Variants in ABCA1 observed in about 807,000 individuals in gnomAD.
The protein encoded by ABCA1 is ATP binding cassette subfamily A member 1.
Under a neutral mutation model 262.5 loss-of-function variants are expected in ABCA1, and 133 were observed. The ratio of observed to expected loss-of-function variants is 0.51; its 90% CI spans 0.44 to 0.59. ABCA1 has a LOEUF of 0.59. Among genes scored for constraint, ABCA1 ranks in the 20% least tolerant of loss-of-function variants. The pLI, the probability that ABCA1 is intolerant of heterozygous loss-of-function variation, is 0.00. For missense variants in ABCA1, 2,452 were observed against 2,777.5 expected, an observed-to-expected ratio of 0.88 and a Z score of 2.63; for synonymous variants, 1,022 against 1,043.5, an observed-to-expected ratio of 0.98 and a Z score of 0.40.
In ABCA1 at chr9:104,888,893, T is replaced by C. The variant is rs2275543; in HGVS notation, c.160+209A>G. ...GTAAAAGAGATGTTGTCTACTGTTA[T>C]AATTACAATTATCACCATTCACTAG... On this transcript the variant is annotated intron_variant, in intron 3 of 49. Coordinates refer to ENST00000374736, the MANE Select transcript of ABCA1 (RefSeq NM_005502.4). 0.085 allele frequency among the ~76,000 whole-genome samples: 12,877 copies of C among 152,326 alleles called. 609 individuals are homozygous for C. The highest frequency in any genetic ancestry group is 0.16 in the Middle Eastern group (48 of 294).
At chr9:104,907,556 G>A (rs958313197) in intron 1 of ABCA1, among the ~76,000 whole-genome samples, 3 of 152,174 alleles carry the variant, frequency 2.0e-5, no homozygotes, top group African/African-American at 4.8e-5. Flanking sequence ...AGCACTCCTG[G>A]ACCTGTGGTA....
intron 3 of ABCA1, among the ~76,000 whole-genome samples, chr9:104,887,450 C>CA (rs11433143): frequency 0.16 from 23,875 of 152,094 alleles, 2,298 homozygotes; most frequent in African/African-American, 0.27. Context: ...AGGCAGGATA[C>CA]AAACAAACCC....
Position 104,784,594 on chromosome 9 carries a change from T to C in ABCA1, c.6646-139A>G, listed in dbSNP as rs560578888. The C allele has an allele frequency of 1.1e-5, 11 of 1,030,204 alleles. No homozygotes were observed. In the African/African-American group the frequency reaches 1.5e-4, roughly 14 times the overall value. The allele number at this position is 1,030,204 out of a possible 1,614,324, so 63.8% of individuals were successfully genotyped here. A position where few individuals can be genotyped will look rare whatever the true frequency, so the allele number is the denominator to read the frequency against. Reference sequence around the variant, plus strand: ...CATAAATGGATTAACTAGAAAACTGTGTGTGAAGGAGGGAAGAATACTTGA... The same window carrying C: ...CATAAATGGATTAACTAGAAAACTGCGTGTGAAGGAGGGAAGAATACTTGA... On this transcript the variant is annotated intron_variant, in intron 49 of 49. Coordinates refer to ENST00000374736, the MANE Select transcript of ABCA1 (RefSeq NM_005502.4).
chr9:104,865,041 A>G (rs79890913), intron 5 of ABCA1, among the ~76,000 whole-genome samples: 3,161 of 152,344 alleles, frequency 0.021, 122 homozygotes, highest in African/African-American at 0.072. Flanking sequence ...AAGATCCTCC[A>G]CTACAAAGAA....
intron 9 of ABCA1, 93 bp downstream of exon 9, chr9:104,840,186 G>T: frequency 6.2e-7 from 1 of 1,603,518 alleles, no homozygotes. Context: ...GACATCTAAC[G>T]CTGCTACAGA....
Position 104,819,690 on chromosome 9 carries a change from G to T in ABCA1, c.3137C>A (p.Ala1046Asp), listed in dbSNP as rs141021096. 5 of 1,614,168 alleles carry T rather than the reference G, an allele frequency of 3.1e-6. No homozygotes were observed. Among genetic ancestry groups the T allele is most frequent in the Non-Finnish European group, 4.2e-6 (5 of 1,180,046 alleles). ...GMQRKLSVAL[A>D]FVGGSKVVIL... The stretch of plus-strand genomic sequence containing the variant: ...GACAACCTTAGATCCCCCGACAAAG[G>T]CCAAGGCCACAGATAGCTTTCTCTG... The change falls in exon 22 of 50, where the codon GCC (alanine) becomes GAC (aspartate). Residue 1046 changes from alanine to aspartate, a missense_variant. Transcript: ENST00000374736.
chr9:104,903,597 G>A lies in ABCA1; in HGVS notation c.66+17C>T. 1.3e-6 allele frequency: 2 copies of A among 1,577,422 alleles called. No individual in the cohort carries two copies. The highest frequency in any genetic ancestry group is 1.7e-4 in the Middle Eastern group (1 of 6,030). ...AAAAATGAGAGAACCCCCCGCTGCTGAAAAACCCAAGCTTACTGTTTGTCT... is the reference window on the plus strand; with the variant it reads ...AAAAATGAGAGAACCCCCCGCTGCTAAAAAACCCAAGCTTACTGTTTGTCT... On this transcript the variant is annotated intron_variant, in intron 2 of 49. Transcript: ENST00000374736.
At chr9:104,902,791 A>G (rs915150926) in intron 2 of ABCA1, among the ~76,000 whole-genome samples, 2 of 152,182 alleles carry the variant, frequency 1.3e-5, no homozygotes, top group African/African-American at 2.4e-5. Context: ...TCTCAGAAAG[A>G]TGATCATTTT....
intron 5 of ABCA1, among the ~76,000 whole-genome samples, chr9:104,867,405 A>G (rs1214894811): frequency 6.6e-6 from 1 of 152,228 alleles, no homozygotes; most frequent in African/African-American, 2.4e-5. Flanking sequence ...CATTTTCAGG[A>G]ATGACTGATC....
intron 3 of ABCA1, among the ~76,000 whole-genome samples, chr9:104,887,812 A>T (rs1271736932): frequency 7.2e-6 from 1 of 138,512 alleles, no homozygotes; most frequent in East Asian, 2.1e-4. Flanking sequence ...CTGCAACCTC[A>T]GCCTCGCAGG....
intron 37 of ABCA1, among the ~76,000 whole-genome samples, chr9:104,797,305 A>G (rs1486354934): frequency 2.6e-5 from 4 of 152,256 alleles, no homozygotes; most frequent in Non-Finnish European, 5.9e-5. Context: ...AAACCCATGT[A>G]ATTTAATATG....
intron 14 of ABCA1, 91 bp downstream of exon 14, chr9:104,830,834 T>C (rs1008273286): frequency 7.0e-7 from 1 of 1,435,808 alleles, no homozygotes; most frequent in South Asian, 1.2e-5. Context: ...TTCCAGATCA[T>C]TCACACATGC....
At chr9:104,826,122 TA>T (rs1293871088) in intron 16 of ABCA1, among the ~76,000 whole-genome samples, 1 of 152,196 alleles carries the variant, frequency 6.6e-6, no homozygotes, top group Non-Finnish European at 1.5e-5. Context: ...GAAATGCATA[TA>T]CAGTGAAGCA....
intron 5 of ABCA1, among the ~76,000 whole-genome samples, chr9:104,862,691 G>GGCAGC (rs1836702011): frequency 9.8e-4 from 1 of 1,020 alleles, no homozygotes; most frequent in African/African-American, 2.6e-3. Flanking sequence ...GGCCGGGCCG[G>GGCAGC]GCCGGGCCGG....
intron 33 of ABCA1, 24 bp downstream of exon 33, chr9:104,803,260 C>A: frequency 6.2e-7 from 1 of 1,613,708 alleles, no homozygotes; most frequent in East Asian, 2.2e-5. Flanking sequence ...CTGAGCTAAA[C>A]GTGCCAGAAA....
chr9:104,809,802 T>C (rs1831109923), intron 29 of ABCA1, among the ~76,000 whole-genome samples: 1 of 152,158 alleles, frequency 6.6e-6, no homozygotes, highest in African/African-American at 2.4e-5. Context: ...GCTGTATGTA[T>C]AAAGGTGTGT....
intron 20 of ABCA1, among the ~76,000 whole-genome samples, 192 bp from the exon 21 acceptor site, chr9:104,820,261 A>G (rs1053621541): frequency 2.6e-5 from 4 of 152,258 alleles, no homozygotes; most frequent in African/African-American, 9.6e-5. Flanking sequence ...TGAGCTGCTC[A>G]GGAAATCAAA....
rs758817369 is a variant in ABCA1 at position 104,831,675 on chromosome 9, G to A, written c.1662C>T (p.Tyr554=). ...CATTGTCAATGTCCATTCGGATCTTGTACTTGACATGATGGGGCAGCTCAA... is the reference window on the plus strand; with the variant it reads ...CATTGTCAATGTCCATTCGGATCTTATACTTGACATGATGGGGCAGCTCAA... The part of the protein sequence containing the change: ...GSIELPHHVK[Y]KIRMDIDNVE... The change falls in exon 13 of 50, where the codon TAC becomes TAT. Residue 554 remains tyrosine, a synonymous_variant. Coordinates refer to ENST00000374736, the MANE Select transcript of ABCA1 (RefSeq NM_005502.4). 8.7e-6 allele frequency: 14 copies of A among 1,614,038 alleles called. No homozygotes were observed. In the Admixed American group the frequency reaches 1.0e-4, roughly 12 times the overall value.
At position 104,807,581 on chromosome 9, in the gene ABCA1, G is replaced by A. The variant is rs552780101; in HGVS notation, c.4275-1151C>T. Among the ~76,000 whole-genome samples, 25 of 152,052 alleles carry A rather than the reference G, an allele frequency of 1.6e-4. No homozygotes were observed. The East Asian group carries it at 3.3e-3, about 20-fold the overall frequency. ...CTGTAATCCCAGAACTTTGGGAGGC[G>A]AAGGCGGGTGGATCACTAAGTCAGG... On this transcript the variant is annotated intron_variant, in intron 30 of 49. Coordinates refer to ENST00000374736, the MANE Select transcript of ABCA1 (RefSeq NM_005502.4).
Sources: gnomAD v4.1 joint callset for allele counts (sites outside exome capture counted in the v4.1 genomes callset) on GRCh38, gnomAD v4.1.1 for gene constraint, MANE v1.5 for transcripts, NCBI Gene and HGNC (gene_info 2026-07-23, HGNC 2026-07-21) for gene names.